The following SET variants were observed in gnomAD, a reference collection of about 807,000 sequenced individuals.
The protein encoded by SET is SET nuclear proto-oncogene, also known as protein SET.
A neutral mutation model predicts 39.0 loss-of-function variants in SET; 4 were observed. That is an observed-to-expected ratio of 0.10 (90% CI 0.05 to 0.23). SET has a LOEUF of 0.23. SET is among the 10% of genes least tolerant of loss of function. The pLI, the probability that SET is intolerant of heterozygous loss-of-function variation, is 1.00. For missense variants in SET, 137 were observed against 329.7 expected (o/e 0.42, Z 4.53); for synonymous variants, 114 against 115.9 (o/e 0.98, Z 0.11).
rs770702705 is a variant in SET at position 128,691,251 on chromosome 9, C to G, written c.131+24C>G. On this transcript the variant is annotated intron_variant, in intron 2 of 7. Coordinates refer to ENST00000322030, the MANE Select transcript of SET (RefSeq NM_003011.4). Reference sequence around the variant, plus strand: ...AGGTAACATTTTTCTTAATATACTTCGGAGAAATTTTCTGAGATGTGTCTA... The same window carrying G: ...AGGTAACATTTTTCTTAATATACTTGGGAGAAATTTTCTGAGATGTGTCTA... 3 of 1,498,932 alleles carry G rather than the reference C, an allele frequency of 2.0e-6. No homozygotes were observed. In the South Asian group the frequency reaches 3.5e-5, roughly 18 times the overall value. The allele number at this position is 1,498,932 out of a possible 1,614,324, so 92.9% of individuals were successfully genotyped here.
Position 128,694,018 on chromosome 9 carries a change from T to C in SET, c.786T>C (p.Asp262=). The C allele has an allele frequency of 6.5e-7, 1 of 1,535,600 alleles. No homozygotes were observed. Among genetic ancestry groups the C allele is most frequent in the Non-Finnish European group, 8.9e-7 (1 of 1,125,760 alleles). Reference sequence around the variant, plus strand: ...AGGATGAAGGTGAAGAAGATGAAGATGATGATGAAGGGGAGGAAGGAGAGG... The same window carrying C: ...AGGATGAAGGTGAAGAAGATGAAGACGATGATGAAGGGGAGGAAGGAGAGG... ...GDEDEGEEDE[D]DDEGEEGEED... The change falls in exon 7 of 8, where the codon GAT becomes GAC. Residue 262 remains aspartate (D), a synonymous_variant. Coordinates refer to ENST00000322030, the MANE Select transcript of SET (RefSeq NM_003011.4).
chr9:128,684,074 A>G, intron 1 of SET: 1 of 1,284,132 alleles, frequency 7.8e-7, no homozygotes, highest in Non-Finnish European at 1.1e-6. Flanking sequence ...TCTGATTTTT[A>G]CCCCCCAATC....
chr9:128,687,079 C>T (rs1589451389), upstream of SET, among the ~76,000 whole-genome samples: 1 of 152,150 alleles, frequency 6.6e-6, no homozygotes, highest in Non-Finnish European at 1.5e-5. Flanking sequence ...TTATGCTAGG[C>T]ACAGTGGGTG....
chr9:128,694,342 A>T (rs867105302), intron 7 of SET, among the ~76,000 whole-genome samples: 22 of 152,288 alleles, frequency 1.4e-4, no homozygotes, highest in Middle Eastern at 3.4e-3. Context: ...AAATTCTGAC[A>T]TCTCTGAAAT....
intron 1 of SET, chr9:128,690,941 C>A: frequency 3.4e-6 from 2 of 584,804 alleles, no homozygotes; most frequent in Non-Finnish European, 6.1e-6. Context: ...TAAAAAGGCG[C>A]TATAGAAAAC....
At chr9:128,683,764 T>C (rs1861193499) in exon 1 of SET, 2 of 706,094 alleles carry the variant, frequency 2.8e-6, no homozygotes, top group Non-Finnish European at 4.6e-6. Flanking sequence ...CACTGTCATG[T>C]AAATATCCCT....
chr9:128,690,767 G>T (rs756510692), intron 1 of SET: 6 of 206,584 alleles, frequency 2.9e-5, no homozygotes, highest in Non-Finnish European at 5.0e-5. Context: ...GGCCTAATTT[G>T]TATCATTGTC....
At chr9:128,685,081 G>A, upstream of SET, 9 of 1,536,904 alleles carry the variant, frequency 5.9e-6, no homozygotes, top group African/African-American at 1.4e-5. Context: ...CAACTCTTAT[G>A]GAAGAAGCAC....
In SET at chr9:128,689,673, G is replaced by C. The variant is rs552989925; in HGVS notation, c.73+18G>C. On this transcript the variant is annotated intron_variant, in intron 1 of 7. Transcript: ENST00000322030. ...GACCTCAGGTGAGAGCAGCGAGCCC[G>C]GGGGCCGGCCCGCGCCGCCATCTTC... The C allele has an allele frequency of 5.7e-5, 56 of 977,106 alleles. No homozygotes were observed. In the African/African-American group the frequency reaches 9.3e-4, roughly 16 times the overall value. 60.5% of individuals were successfully genotyped at this position (977,106 alleles called of 1,614,324 possible). A position where few individuals can be genotyped will look rare whatever the true frequency, so the allele number is the denominator to read the frequency against.
Position 128,695,952 on chromosome 9 carries a change from C to T in SET, c.*1288C>T, listed in dbSNP as rs1332271152. The T allele has an allele frequency of 4.4e-6, 1 of 226,320 alleles. No individual in the cohort carries two copies. Among genetic ancestry groups the T allele is most frequent in the East Asian group, 6.2e-5 (1 of 16,120 alleles). 14.0% of individuals were successfully genotyped at this position (226,320 alleles called of 1,614,324 possible). ...CACGGGACAGTTGCTGGCATGTCTT[C>T]ATTGGCTATATAAAATGTGGCCAAG... On this transcript the variant is annotated 3_prime_UTR_variant, in exon 8 of 8. Coordinates refer to ENST00000322030, the MANE Select transcript of SET (RefSeq NM_003011.4).
upstream of SET, chr9:128,685,064 G>A (rs926604449): frequency 5.3e-6 from 8 of 1,522,240 alleles, no homozygotes; most frequent in Admixed American, 1.7e-4. Context: ...GATTGGCTGA[G>A]GGCAGGCAAC....
intron 1 of SET, 139 bp downstream of exon 1, chr9:128,689,794 G>C (rs1375710139): frequency 6.7e-6 from 1 of 149,364 alleles, no homozygotes. Context: ...GGGGGCCCGC[G>C]GACTCGGCGC....
chr9:128,689,547 C>G lies in SET; in HGVS notation c.-36C>G. 8.5e-7 allele frequency: 1 copy of G among 1,179,616 alleles called. No individual in the cohort carries two copies. The highest frequency in any genetic ancestry group is 1.1e-6 in the Non-Finnish European group (1 of 887,230). The allele number at this position is 1,179,616 out of a possible 1,614,324, so 73.1% of individuals were successfully genotyped here. ...GCCCCCTTCGCCTTCCCTTCTCTCC[C>G]CCTCCCCGCTCCCCCCCCGACCGCG... On this transcript the variant is annotated 5_prime_UTR_variant, in exon 1 of 8. Transcript: ENST00000322030.
At chr9:128,683,869 G>C (rs775785887) in exon 1 of SET, 3 of 1,534,656 alleles carry the variant, frequency 2.0e-6, no homozygotes, top group Non-Finnish European at 1.8e-6. Flanking sequence ...GAGACTCGTG[G>C]TCTGGTTCTG....
At chr9:128,685,747 G>A (rs1036686604), upstream of SET, among the ~76,000 whole-genome samples, 3 of 152,092 alleles carry the variant, frequency 2.0e-5, no homozygotes, top group Non-Finnish European at 4.4e-5. Context: ...AAAGGGAGCC[G>A]GGGGCCGGGC....
intron 7 of SET, 30 bp downstream of exon 7, chr9:128,694,072 G>A: frequency 6.8e-7 from 1 of 1,475,262 alleles, no homozygotes; most frequent in Non-Finnish European, 9.1e-7. Context: ...AACCCACAAA[G>A]ATAACTTTTA....
chr9:128,684,084 C>G, intron 1 of SET: 1 of 1,204,448 alleles, frequency 8.3e-7, no homozygotes, highest in South Asian at 1.3e-5. Context: ...ACCCCCCAAT[C>G]CCTCTTGAGA....
In SET at chr9:128,689,651, C is replaced by G. The variant is rs1395089157; in HGVS notation, c.69C>G (p.Thr23=). 3.2e-6 allele frequency: 4 copies of G among 1,260,996 alleles called. No homozygotes were observed. The highest frequency in any genetic ancestry group is 4.1e-6 in the Non-Finnish European group (4 of 966,968). 78.1% of individuals were successfully genotyped at this position (1,260,996 alleles called of 1,614,324 possible). A position where few individuals can be genotyped will look rare whatever the true frequency, so the allele number is the denominator to read the frequency against. ...CCAACCACGACGGGGCCGACGAGAC[C>G]TCAGGTGAGAGCAGCGAGCCCGGGG... ...LNSNHDGADE[T]SEKEQQEAIE... The change falls in exon 1 of 8, where the codon ACC becomes ACG. Residue 23 remains threonine (T), a synonymous_variant. Coordinates refer to ENST00000322030, the MANE Select transcript of SET (RefSeq NM_003011.4).
At chr9:128,686,551 C>T (rs1286743225), upstream of SET, among the ~76,000 whole-genome samples, 2 of 152,118 alleles carry the variant, frequency 1.3e-5, no homozygotes, top group African/African-American at 4.8e-5. Context: ...GTCGTGAAAT[C>T]AATTTGGTGG....
Sources: allele counts gnomAD v4.1 joint callset (sites outside exome capture counted in the v4.1 genomes callset), GRCh38; gene constraint gnomAD v4.1.1; transcripts MANE v1.5; gene names NCBI Gene and HGNC (gene_info 2026-07-23, HGNC 2026-07-21).